The following LDB2 variants were observed in gnomAD, a reference collection of about 807,000 sequenced individuals.
The protein encoded by LDB2 is LIM domain-binding protein 2.
A neutral mutation model predicts 44.3 loss-of-function variants in LDB2; 12 were observed. The observed-to-expected ratio is 0.27, with a 90% CI of 0.17 to 0.44. The LOEUF (loss-of-function observed/expected upper bound fraction) is 0.44, where lower values mean the gene tolerates loss of function less well. LDB2 is among the 20% of genes least tolerant of loss of function. LDB2 has a pLI of 1.00. For synonymous variants in LDB2, 164 were observed against 174.8 expected (o/e 0.94, Z 0.49); for missense variants, 344 against 473.5 (o/e 0.73, Z 2.54).
intron 2 of LDB2, among the ~76,000 whole-genome samples, chr4:16,665,116 G>T (rs1454728740): frequency 6.6e-6 from 1 of 152,160 alleles, no homozygotes; most frequent in African/African-American, 2.4e-5. Context: ...AAAAGAAGGT[G>T]AGCAGAAAAG....
chr4:16,731,851 G>A (rs1188332141), intron 2 of LDB2, among the ~76,000 whole-genome samples: 1 of 152,090 alleles, frequency 6.6e-6, no homozygotes, highest in African/African-American at 2.4e-5. Context: ...CTAGGTCTAT[G>A]TGCTTCCCTT....
At chr4:16,552,070 G>A (rs1350633053) in intron 5 of LDB2, among the ~76,000 whole-genome samples, 1 of 152,020 alleles carries the variant, frequency 6.6e-6, no homozygotes, top group East Asian at 1.9e-4. Flanking sequence ...GGGGTAGATT[G>A]TGGAAAAATA....
chr4:16,878,395 C>G, intron 1 of LDB2, among the ~76,000 whole-genome samples: 1 of 152,208 alleles, frequency 6.6e-6, no homozygotes, highest in East Asian at 1.9e-4. Context: ...CACTTATACT[C>G]AACACCTTCC....
At chr4:16,773,690 C>A (rs762023723) in intron 1 of LDB2, among the ~76,000 whole-genome samples, 1 of 151,972 alleles carries the variant, frequency 6.6e-6, no homozygotes, top group African/African-American at 2.4e-5. Flanking sequence ...GTTAGGAACC[C>A]GTACTCCCCT....
chr4:16,781,254 G>C (rs1286383380), intron 1 of LDB2, among the ~76,000 whole-genome samples: 5 of 152,186 alleles, frequency 3.3e-5, no homozygotes, highest in Admixed American at 2.0e-4. Context: ...AGGATCTTAA[G>C]GGCCACACAG....
rs79980856 is a variant in LDB2, at chr4:16,554,081, G to A, written c.615+31841C>T. ...TTTTTTTTTTTTGAGATGGAGTTTC[G>A]CTCTTCTGGCTCAGGCTGGAGTGCA... is the stretch of plus-strand genomic sequence containing the variant. On this transcript the variant is annotated intron_variant, in intron 5 of 7. Coordinates refer to ENST00000304523, the MANE Select transcript of LDB2 (RefSeq NM_001290.5). Among the ~76,000 whole-genome samples, 166 of 144,464 alleles carry A rather than the reference G, an allele frequency of 1.1e-3. 1 individual carries two copies. Among genetic ancestry groups the A allele is most frequent in the African/African-American group, 3.8e-3 (149 of 38,766 alleles). 94.8% of individuals were successfully genotyped at this position (144,464 alleles called of 152,430 possible).
intron 2 of LDB2, among the ~76,000 whole-genome samples, chr4:16,714,632 G>A (rs1177405316): frequency 6.6e-6 from 1 of 152,100 alleles, no homozygotes; most frequent in Non-Finnish European, 1.5e-5. Flanking sequence ...TACAAATGGG[G>A]TGACTTAACA....
At chr4:16,736,834 C>A (rs1278203421) in intron 2 of LDB2, among the ~76,000 whole-genome samples, 1 of 151,998 alleles carries the variant, frequency 6.6e-6, no homozygotes, top group Non-Finnish European at 1.5e-5. Context: ...GATTTAATAC[C>A]AAACATTTAA....
intron 2 of LDB2, among the ~76,000 whole-genome samples, chr4:16,747,405 A>G (rs1764612553): frequency 6.6e-6 from 1 of 152,226 alleles, no homozygotes; most frequent in African/African-American, 2.4e-5. Flanking sequence ...TAATCAGTGA[A>G]ACACCGTTTA....
chr4:16,824,114 C>T (rs1410429060), intron 1 of LDB2, among the ~76,000 whole-genome samples: 2 of 152,160 alleles, frequency 1.3e-5, no homozygotes, highest in Admixed American at 6.5e-5. Flanking sequence ...CACTACCATT[C>T]GCCACTTTGG....
intron 2 of LDB2, among the ~76,000 whole-genome samples, chr4:16,633,433 T>C (rs1289834952): frequency 6.6e-6 from 1 of 151,660 alleles, no homozygotes; most frequent in Non-Finnish European, 1.5e-5. Flanking sequence ...ACTTAAAGTA[T>C]AATAAAAAAA....
chr4:16,623,246 A>T (rs1278008783), intron 2 of LDB2, among the ~76,000 whole-genome samples: 2 of 152,274 alleles, frequency 1.3e-5, no homozygotes, highest in Non-Finnish European at 2.9e-5. Context: ...TAAACAAAAA[A>T]GACAAAATGT....
intron 2 of LDB2, among the ~76,000 whole-genome samples, chr4:16,636,540 T>C (rs1733655092): frequency 6.6e-6 from 1 of 152,210 alleles, no homozygotes; most frequent in African/African-American, 2.4e-5. Flanking sequence ...AATAAGATTG[T>C]CATTTACCTG....
At chr4:16,851,107 A>G (rs1357454279) in intron 1 of LDB2, among the ~76,000 whole-genome samples, 1 of 151,840 alleles carries the variant, frequency 6.6e-6, no homozygotes, top group Non-Finnish European at 1.5e-5. Context: ...GTGAATAGTA[A>G]ACAGCCTGCT....
chr4:16,712,009 T>C (rs1376665366), intron 2 of LDB2, among the ~76,000 whole-genome samples: 2 of 152,116 alleles, frequency 1.3e-5, no homozygotes, highest in East Asian at 3.9e-4. Flanking sequence ...TATGCAAAGA[T>C]TTCATAGATA....
chr4:16,503,240 T>C, intron 7 of LDB2: 2 of 1,113,690 alleles, frequency 1.8e-6, no homozygotes, highest in South Asian at 1.4e-5. Context: ...TGGGTGCTTC[T>C]CAATACCTCC....
intron 2 of LDB2, among the ~76,000 whole-genome samples, chr4:16,698,050 G>C (rs543659162): frequency 6.6e-6 from 1 of 152,126 alleles, no homozygotes; most frequent in African/African-American, 2.4e-5. Flanking sequence ...CCTGTTCAAC[G>C]TTCTACTTTT....
intron 7 of LDB2, 112 bp downstream of exon 7, chr4:16,508,423 A>C (rs1577244463): frequency 3.5e-5 from 35 of 1,011,202 alleles, no homozygotes; most frequent in Non-Finnish European, 3.7e-5. Flanking sequence ...CCCCACCTCC[A>C]ACCTGCCCAG....
chr4:16,577,049 C>T (rs1711943465), intron 5 of LDB2, among the ~76,000 whole-genome samples: 1 of 152,056 alleles, frequency 6.6e-6, no homozygotes, highest in African/African-American at 2.4e-5. Context: ...ATAACAAAAA[C>T]CCTAAAATAC....
Sources: gnomAD v4.1 joint callset for allele counts (sites outside exome capture counted in the v4.1 genomes callset) on GRCh38, gnomAD v4.1.1 for gene constraint, MANE v1.5 for transcripts, NCBI Gene and HGNC (gene_info 2026-07-23, HGNC 2026-07-21) for gene names.